Variants in UBE2G2 observed in about 807,000 individuals in gnomAD.
The protein encoded by UBE2G2 is ubiquitin conjugating enzyme E2 G2, also known as ubiquitin-conjugating enzyme E2 G2.
A neutral mutation model predicts 23.0 loss-of-function variants in UBE2G2; 10 were observed. The observed-to-expected ratio is 0.43, with a 90% confidence interval of 0.27 to 0.74. The LOEUF (loss-of-function observed/expected upper bound fraction) is 0.74. Ranked by LOEUF, UBE2G2 falls within the 30% of genes least tolerant of loss-of-function variation. The pLI is 0.19. For missense variants in UBE2G2, 150 were observed against 218.3 expected (o/e 0.69, Z 1.97); for synonymous variants, 86 against 81.3 (o/e 1.06, Z -0.31).
At chr21:44,773,741 C>CCG in intron 4 of UBE2G2, 54 bp from the exon 5 acceptor site, 2 of 1,589,566 alleles carry the variant, frequency 1.3e-6, no homozygotes, top group Non-Finnish European at 1.7e-6. Context: ...CGAGGCATCG[C>CCG]CGCGCTTGGG....
At chr21:44,781,443 G>T (rs2082955535) in intron 3 of UBE2G2, among the ~76,000 whole-genome samples, 1 of 152,234 alleles carries the variant, frequency 6.6e-6, no homozygotes, top group Non-Finnish European at 1.5e-5. Flanking sequence ...GCAGGACCAA[G>T]GTGGGCTGCA....
chr21:44,777,727 GA>G (rs570944665), intron 3 of UBE2G2, among the ~76,000 whole-genome samples: 62 of 152,288 alleles, frequency 4.1e-4, no homozygotes, highest in African/African-American at 1.4e-3. Context: ...AGAATCGTCT[GA>G]GCCTGGGAGG....
chr21:44,797,402 G>A (rs888548192), intron 1 of UBE2G2, among the ~76,000 whole-genome samples: 1 of 152,212 alleles, frequency 6.6e-6, no homozygotes, highest in Non-Finnish European at 1.5e-5. Context: ...CTATGCAGGG[G>A]TTTAATGATT....
intron 4 of UBE2G2, 133 bp from the exon 5 acceptor site, chr21:44,773,820 T>C (rs886117004): frequency 4.0e-6 from 5 of 1,261,146 alleles, no homozygotes; most frequent in Non-Finnish European, 5.4e-6. Context: ...AGCTGGGGCA[T>C]AGCCTGGGGC....
At chr21:44,776,356 GAA>G (rs1223143440) in intron 4 of UBE2G2, among the ~76,000 whole-genome samples, 2 of 151,784 alleles carry the variant, frequency 1.3e-5, no homozygotes, top group Non-Finnish European at 2.9e-5. Flanking sequence ...ATTTCAATCT[GAA>G]AAAAGAATCA....
chr21:44,791,792 C>T (rs561713944), intron 1 of UBE2G2, among the ~76,000 whole-genome samples: 1 of 152,248 alleles, frequency 6.6e-6, no homozygotes, highest in East Asian at 1.9e-4. Context: ...CCACCAAGAG[C>T]TTTGCACTGT....
rs1355069115 is a variant in UBE2G2, at chr21:44,772,460, T to C, written c.386-971A>G. On this transcript the variant is annotated intron_variant, in intron 5 of 5. Coordinates refer to ENST00000345496, the MANE Select transcript of UBE2G2 (RefSeq NM_003343.6). This position sits in a 1 kb window ranked among gnomAD's most constrained non-coding sequence, Gnocchi z 5.4. ...CTGGCCCTCTGCTGGGTCTGCTCTTTCCTTTCGGACTTGCCGCCTTCCTTT... is the reference window on the plus strand; with the variant it reads ...CTGGCCCTCTGCTGGGTCTGCTCTTCCCTTTCGGACTTGCCGCCTTCCTTT... 2.6e-5 allele frequency among the ~76,000 whole-genome samples: 4 copies of C among 151,358 alleles called. No individual in the cohort carries two copies. Among genetic ancestry groups the C allele is most frequent in the African/African-American group, 7.3e-5 (3 of 41,022 alleles).
intron 3 of UBE2G2, among the ~76,000 whole-genome samples, chr21:44,785,086 C>T (rs1283242094): frequency 6.6e-6 from 1 of 152,240 alleles, no homozygotes; most frequent in Admixed American, 6.5e-5. Context: ...GACCCTAGAG[C>T]TGGGCAAGAC....
rs1240987970 is a variant in UBE2G2 at position 44,776,260 on chromosome 21, A to C, written c.244+1039T>G. Among the ~76,000 whole-genome samples the C allele has an allele frequency of 9.9e-4, 151 of 152,286 alleles. 1 individual carries two copies. Among genetic ancestry groups the C allele is most frequent in the Non-Finnish European group, 1.5e-5 (1 of 68,028 alleles). Reference sequence around the variant, plus strand: ...TTTCAAATAAGCTACAGTACAATTCACTTAAATGACCTTATTTTTTTCCTC... The same window carrying C: ...TTTCAAATAAGCTACAGTACAATTCCCTTAAATGACCTTATTTTTTTCCTC... On this transcript the variant is annotated intron_variant, in intron 4 of 5. Transcript: ENST00000345496.
chr21:44,799,959 G>A (rs2083121988), intron 1 of UBE2G2: 1 of 152,176 alleles, frequency 6.6e-6, no homozygotes, highest in Admixed American at 6.5e-5. Flanking sequence ...GAAGAGAGAG[G>A]CCGGGAGAGA....
rs1555960178 is a variant in UBE2G2 at position 44,773,534 on chromosome 21, G to T, written c.385+13C>A. ...TGTCCACGGCAGCTCCTGCCAGGAGGCTCGGGCCTTACCTGCCAGCATGCT... is the reference window on the plus strand; with the variant it reads ...TGTCCACGGCAGCTCCTGCCAGGAGTCTCGGGCCTTACCTGCCAGCATGCT... On this transcript the variant is annotated intron_variant, in intron 5 of 5. Coordinates refer to ENST00000345496, the MANE Select transcript of UBE2G2 (RefSeq NM_003343.6). 1.2e-6 allele frequency: 2 copies of T among 1,604,540 alleles called. No individual in the cohort carries two copies. The highest frequency in any genetic ancestry group is 1.7e-6 in the Non-Finnish European group (2 of 1,178,968).
intron 5 of UBE2G2, 88 bp downstream of exon 5, chr21:44,773,459 A>G: frequency 6.8e-7 from 1 of 1,467,030 alleles, no homozygotes; most frequent in Non-Finnish European, 9.0e-7. Flanking sequence ...GAGGAAAAGG[A>G]CATTCTAAAG....
At chr21:44,787,629 C>T (rs1178006726) in intron 3 of UBE2G2, among the ~76,000 whole-genome samples, 3 of 152,142 alleles carry the variant, frequency 2.0e-5, no homozygotes, top group East Asian at 1.9e-4. Flanking sequence ...ATTTTAACCA[C>T]GATCATACAA....
intron 1 of UBE2G2, among the ~76,000 whole-genome samples, chr21:44,794,958 T>C (rs1157231785): frequency 3.3e-5 from 5 of 152,168 alleles, no homozygotes; most frequent in Non-Finnish European, 7.4e-5. Context: ...ACGAGTCTTA[T>C]GGAAATGCAA....
chr21:44,784,118 T>C (rs1555961643), intron 3 of UBE2G2, among the ~76,000 whole-genome samples: 1 of 148,768 alleles, frequency 6.7e-6, no homozygotes, highest in African/African-American at 2.5e-5. Context: ...ACCAGGCCAC[T>C]GAACTTCAGC....
chr21:44,776,680 G>C (rs35933313), intron 4 of UBE2G2, among the ~76,000 whole-genome samples: 40,576 of 152,046 alleles, frequency 0.27, 5,828 homozygotes, highest in South Asian at 0.4. Flanking sequence ...TGCTGTTCTC[G>C]TGATAGTGTA....
intron 4 of UBE2G2, chr21:44,775,436 C>T (rs1481272835): frequency 2.0e-5 from 3 of 152,160 alleles, no homozygotes; most frequent in African/African-American, 7.2e-5. Flanking sequence ...ACTTTCAGTA[C>T]GTGTGTTGAA....
In UBE2G2 at chr21:44,779,576, C is replaced by T. The variant is rs895559636; in HGVS notation, c.126-2159G>A. Among the ~76,000 whole-genome samples the T allele has an allele frequency of 1.6e-4, 24 of 152,172 alleles. 1 individual carries two copies. Among genetic ancestry groups the T allele is most frequent in the South Asian group, 4.1e-4 (2 of 4,828 alleles). ...GACGCCTCAAGCCTGGGTTACTCTG[C>T]TCCCCCTGCAATGGCCTGAACAAAC... On this transcript the variant is annotated intron_variant, in intron 3 of 5. Coordinates refer to ENST00000345496, the MANE Select transcript of UBE2G2 (RefSeq NM_003343.6).
chr21:44,783,768 T>C lies in UBE2G2; in HGVS notation c.125+4152A>G, dbSNP rs550053455. Among the ~76,000 whole-genome samples the C allele has an allele frequency of 2.0e-5, 3 of 152,334 alleles. No homozygotes were observed. The East Asian group carries it at 5.8e-4, about 29-fold the overall frequency. On this transcript the variant is annotated intron_variant, in intron 3 of 5. Coordinates refer to ENST00000345496, the MANE Select transcript of UBE2G2 (RefSeq NM_003343.6). ...TTTTGGAAATGTTCTAAAACTGGAC[T>C]GTGGTGATGACTACAAAACTCTAGA...
Sources: allele counts gnomAD v4.1 joint callset (sites outside exome capture counted in the v4.1 genomes callset), GRCh38; gene constraint gnomAD v4.1.1; non-coding constraint Gnocchi (gnomAD v3.1); transcripts MANE v1.5; gene names NCBI Gene and HGNC (gene_info 2026-07-23, HGNC 2026-07-21).